The following FBXO47 variants were observed in gnomAD, a reference collection of about 807,000 sequenced individuals.
FBXO47 encodes the protein F-box protein 47.
FBXO47 carries 34 observed loss-of-function variants against 53.9 expected under a neutral mutation model. The observed-to-expected ratio is 0.63, with a 90% CI of 0.48 to 0.84. FBXO47 has a LOEUF of 0.84. Among genes scored for constraint, FBXO47 ranks in the 40% least tolerant of loss-of-function variants. The pLI, the probability that FBXO47 is intolerant of heterozygous loss-of-function variation, is 0.00. For synonymous variants in FBXO47, 165 were observed against 181.6 expected, an observed-to-expected ratio of 0.91 and a Z score of 0.73; for missense variants, 485 against 541.3, an observed-to-expected ratio of 0.90 and a Z score of 1.03.
intron 6 of FBXO47, among the ~76,000 whole-genome samples, chr17:38,946,223 TATAA>T (rs1310539725): frequency 3.6e-5 from 4 of 109,628 alleles, no homozygotes; most frequent in South Asian, 2.7e-4. Context: ...CAAAAATATA[TATAA>T]ATATATACAA....
rs186719741 is a variant in FBXO47 at position 38,967,250 on chromosome 17, C to T, written c.-48G>A. 6.6e-6 allele frequency: 1 copy of T among 152,104 alleles called. No individual in the cohort carries two copies. The highest frequency in any genetic ancestry group is 2.4e-5 in the African/African-American group (1 of 41,410). 9.4% of individuals were successfully genotyped at this position (152,104 alleles called of 1,614,324 possible). On this transcript the variant is annotated 5_prime_UTR_variant, in exon 1 of 11. Transcript: ENST00000378079. ...TTACCACAGATTTTGACAGTTTTTCCGGCTACAGAGTCACAGGAAAGTGGG... is the reference window on the plus strand; with the variant it reads ...TTACCACAGATTTTGACAGTTTTTCTGGCTACAGAGTCACAGGAAAGTGGG...
chr17:38,945,036 T>C lies in FBXO47; in HGVS notation c.717A>G (p.Arg239=). Residue 239 remains arginine, a synonymous_variant, in exon 7 of 11, where the codon CGA becomes CGG. Coordinates refer to ENST00000378079, the MANE Select transcript of FBXO47 (RefSeq NM_001008777.3). ...HRSDSAFWLT[R]ILKPWPMVNQ... Reference sequence around the variant, plus strand: ...TCACCATTGGCCATGGTTTTAATATTCGCGTCAACCAAAAAGCAGAATCAC... The same window carrying C: ...TCACCATTGGCCATGGTTTTAATATCCGCGTCAACCAAAAAGCAGAATCAC... The C allele has an allele frequency of 6.2e-7, 1 of 1,614,072 alleles. No individual in the cohort carries two copies. Among genetic ancestry groups the C allele is most frequent in the African/African-American group, 1.3e-5 (1 of 75,044 alleles).
chr17:38,966,254 T>G (rs1043056889), intron 1 of FBXO47, among the ~76,000 whole-genome samples: 1 of 152,174 alleles, frequency 6.6e-6, no homozygotes, highest in Admixed American at 6.6e-5. Context: ...TGGGCTGGAG[T>G]GCAGTGGCGC....
Position 38,938,096 on chromosome 17 carries a change from T to C in FBXO47, c.1243+477A>G, listed in dbSNP as rs116193676. On this transcript the variant is annotated intron_variant, in intron 10 of 10. Transcript: ENST00000378079. ...AGAAGAAAAGGATGCTCATCCATGC[T>C]TTATTGCTTCTAACTTTGAGACCTT... Among the ~76,000 whole-genome samples, 758 of 152,348 alleles carry C rather than the reference T, an allele frequency of 5.0e-3. 5 individuals carry two copies. The highest frequency in any genetic ancestry group is 0.017 in the African/African-American group (721 of 41,582).
intron 4 of FBXO47, 86 bp from the exon 5 acceptor site, chr17:38,955,019 A>C: frequency 9.5e-7 from 1 of 1,048,644 alleles, no homozygotes; most frequent in South Asian, 1.5e-5. Context: ...TTCAAATTTA[A>C]TGGAAATAAG....
At chr17:38,954,250 A>G (rs1325266240) in intron 5 of FBXO47, among the ~76,000 whole-genome samples, 1 of 152,078 alleles carries the variant, frequency 6.6e-6, no homozygotes, top group Admixed American at 6.6e-5. Flanking sequence ...GTGAGCCGAG[A>G]TCATGCCATT....
At chr17:38,946,457 AAT>A (rs1335014463) in intron 6 of FBXO47, among the ~76,000 whole-genome samples, 9 of 71,876 alleles carry the variant, frequency 1.3e-4, no homozygotes, top group Non-Finnish European at 2.1e-4. Context: ...TAACTATATA[AAT>A]ATATATGAAT....
chr17:38,943,779 T>G, intron 7 of FBXO47, 43 bp from the exon 8 acceptor site: 1 of 1,560,660 alleles, frequency 6.4e-7, no homozygotes, highest in South Asian at 1.2e-5. Flanking sequence ...ATAGTTGGCT[T>G]TGTGATAAAG....
At chr17:38,949,681 T>G (rs1905137876) in intron 6 of FBXO47, among the ~76,000 whole-genome samples, 1 of 152,186 alleles carries the variant, frequency 6.6e-6, no homozygotes, top group Non-Finnish European at 1.5e-5. Context: ...ACTTATTATT[T>G]AAATCGAACT....
At chr17:38,946,873 C>CATATAAAT (rs1904930136) in intron 6 of FBXO47, among the ~76,000 whole-genome samples, 2 of 87,034 alleles carry the variant, frequency 2.3e-5, no homozygotes, top group African/African-American at 1.1e-4. Context: ...AATATATAAA[C>CATATAAAT]ATATATATAA....
At chr17:38,956,454 G>C (rs1050908547) in intron 4 of FBXO47, among the ~76,000 whole-genome samples, 9 of 151,914 alleles carry the variant, frequency 5.9e-5, no homozygotes, top group Non-Finnish European at 1.2e-4. Context: ...CAGGTGTGGT[G>C]GTGGGTGCCT....
intron 9 of FBXO47, among the ~76,000 whole-genome samples, chr17:38,941,618 TATTATATA>T: frequency 1.7e-5 from 1 of 60,206 alleles, no homozygotes; most frequent in East Asian, 7.6e-4. Context: ...ATAAATATAA[TATTATATA>T]TATATATATA....
At chr17:38,957,665 T>C (rs1306255967) in intron 3 of FBXO47, among the ~76,000 whole-genome samples, 1 of 151,104 alleles carries the variant, frequency 6.6e-6, no homozygotes, top group Non-Finnish European at 1.5e-5. Flanking sequence ...GTTGTTAATC[T>C]AAAACATGGA....
At chr17:38,942,692 C>A in intron 9 of FBXO47, 86 bp downstream of exon 9, 1 of 957,572 alleles carries the variant, frequency 1.0e-6, no homozygotes, top group East Asian at 2.5e-5. Flanking sequence ...AATCTTTTGT[C>A]CACATTTCAG....
At chr17:38,947,092 AAAC>A (rs1904978042) in intron 6 of FBXO47, among the ~76,000 whole-genome samples, 2 of 138,544 alleles carry the variant, frequency 1.4e-5, no homozygotes, top group East Asian at 4.3e-4. Flanking sequence ...ACATATATAT[AAAC>A]ATATATATAA....
chr17:38,956,166 T>C lies in FBXO47; in HGVS notation c.429+1011A>G, dbSNP rs73301139. ...AAAAAAAAAGTTTTATTTATGAATG[T>C]CATGCTTTAGGAAGAGTAATCTTGA... On this transcript the variant is annotated intron_variant, in intron 4 of 10. Coordinates refer to ENST00000378079, the MANE Select transcript of FBXO47 (RefSeq NM_001008777.3). 2.8e-3 allele frequency among the ~76,000 whole-genome samples: 418 copies of C among 151,748 alleles called. 4 individuals are homozygous for C. Among genetic ancestry groups the C allele is most frequent in the African/African-American group, 9.3e-3 (384 of 41,402 alleles).
chr17:38,950,449 T>A (rs1462448008), intron 6 of FBXO47, among the ~76,000 whole-genome samples: 2 of 151,212 alleles, frequency 1.3e-5, no homozygotes, highest in African/African-American at 2.4e-5. Flanking sequence ...AGTGACTGGA[T>A]CATGCCCGCC....
rs762071714 is a variant in FBXO47, at chr17:38,963,024, ATTC to A, written c.-2_1del. On this transcript the variant is annotated start_lost and start_retained_variant and 5_prime_UTR_variant, in exon 2 of 11. Coordinates refer to ENST00000378079, the MANE Select transcript of FBXO47 (RefSeq NM_001008777.3). The stretch of plus-strand genomic sequence containing the variant: ...GAAATTTGTATTTATTCTGGATGCC[ATTC>A]TTCTTCTTGTCTCACAAATTTATCC... The A allele has an allele frequency of 4.8e-5, 77 of 1,608,010 alleles. 1 individual carries two copies. In the South Asian group the frequency reaches 7.5e-4, roughly 16 times the overall value.
chr17:38,960,433 C>G lies in FBXO47; in HGVS notation c.352+1444G>C, dbSNP rs528242461. On this transcript the variant is annotated intron_variant, in intron 3 of 10. Transcript: ENST00000378079. ...ACATGAATAAAACCATTTAAAAAAG[C>G]AATTAAGATCAATACATATTTGTAC... 2.6e-4 allele frequency among the ~76,000 whole-genome samples: 40 copies of G among 151,844 alleles called. 1 individual carries two copies. In the South Asian group the frequency reaches 8.1e-3, roughly 31 times the overall value.
Sources: gnomAD v4.1 joint callset for allele counts (sites outside exome capture counted in the v4.1 genomes callset) on GRCh38, gnomAD v4.1.1 for gene constraint, MANE v1.5 for transcripts, NCBI Gene and HGNC (gene_info 2026-07-23, HGNC 2026-07-21) for gene names.